The following ASIC2 variants were observed in gnomAD, a reference collection of about 807,000 sequenced individuals.
The protein encoded by ASIC2 is acid sensing ion channel subunit 2.
A neutral mutation model predicts 57.3 loss-of-function variants in ASIC2; 25 were observed. That is an observed-to-expected ratio of 0.44 (90% CI 0.32 to 0.61). ASIC2 has a LOEUF of 0.61. Ranked by LOEUF, ASIC2 falls within the 20% of genes least tolerant of loss-of-function variation. ASIC2 has a pLI of 0.06. For missense variants in ASIC2, 641 were observed against 738.1 expected (o/e 0.87, Z 1.52); for synonymous variants, 319 against 307.5 (o/e 1.04, Z -0.39).
chr17:33,611,346 G>A (rs1191211699), intron 1 of ASIC2, among the ~76,000 whole-genome samples: 1 of 152,128 alleles, frequency 6.6e-6, no homozygotes, highest in Non-Finnish European at 1.5e-5. Flanking sequence ...CCCCTCTCTG[G>A]AATCCAGATT....
chr17:33,084,835 G>A (rs889845007), intron 3 of ASIC2, among the ~76,000 whole-genome samples: 1 of 152,108 alleles, frequency 6.6e-6, no homozygotes, highest in Non-Finnish European at 1.5e-5. Flanking sequence ...ACTTCTTAAG[G>A]TTGTCTAGGA....
intron 1 of ASIC2, among the ~76,000 whole-genome samples, chr17:33,174,360 G>T (rs1206590381): frequency 2.7e-5 from 4 of 150,870 alleles, no homozygotes; most frequent in Admixed American, 2.6e-4. Flanking sequence ...GGTGGAGGTT[G>T]CAGTGAGCTG....
chr17:33,298,369 T>C (rs1185144529), intron 1 of ASIC2, among the ~76,000 whole-genome samples: 1 of 152,150 alleles, frequency 6.6e-6, no homozygotes, highest in East Asian at 1.9e-4. Context: ...GTGCTTGTGA[T>C]AGATTGCTGA....
chr17:33,886,474 T>A (rs892083908), intron 1 of ASIC2, among the ~76,000 whole-genome samples: 2 of 152,104 alleles, frequency 1.3e-5, no homozygotes, highest in Non-Finnish European at 2.9e-5. Context: ...ATCAGAAGTA[T>A]CTTACACAGT....
chr17:33,998,388 TTTATTA>T (rs1906230230), intron 1 of ASIC2, among the ~76,000 whole-genome samples: 1 of 152,182 alleles, frequency 6.6e-6, no homozygotes, highest in African/African-American at 2.4e-5. Context: ...TGCTCTGATT[TTTATTA>T]TTTTCTTCTT....
chr17:33,547,767 AC>A (rs775919149), intron 1 of ASIC2, among the ~76,000 whole-genome samples: 8 of 151,926 alleles, frequency 5.3e-5, no homozygotes, highest in Non-Finnish European at 8.8e-5. Context: ...GCATCTGAGA[AC>A]CCCCAGTCCC....
intron 1 of ASIC2, among the ~76,000 whole-genome samples, chr17:34,080,381 A>G (rs977943370): frequency 6.6e-6 from 1 of 152,234 alleles, no homozygotes; most frequent in Admixed American, 6.5e-5. Flanking sequence ...ACTAAATTCA[A>G]AACACTCAAA....
chr17:33,336,265 G>A (rs1050563482), intron 1 of ASIC2, among the ~76,000 whole-genome samples: 1 of 152,170 alleles, frequency 6.6e-6, no homozygotes, highest in African/African-American at 2.4e-5. Context: ...AGAGGGAAGA[G>A]GAAGGGGCAG....
chr17:33,221,872 A>ATTT (rs1907702334), intron 1 of ASIC2, among the ~76,000 whole-genome samples: 1 of 152,004 alleles, frequency 6.6e-6, no homozygotes, highest in Non-Finnish European at 1.5e-5. Flanking sequence ...ATAGATGTTT[A>ATTT]AACCATTCAT....
chr17:33,471,602 G>A (rs1913052463), intron 1 of ASIC2, among the ~76,000 whole-genome samples: 1 of 152,092 alleles, frequency 6.6e-6, no homozygotes, highest in Admixed American at 6.6e-5. Flanking sequence ...GCAGAGGGGG[G>A]AGTAATCATT....
chr17:34,065,244 G>C (rs951450886), intron 1 of ASIC2, among the ~76,000 whole-genome samples: 2 of 152,194 alleles, frequency 1.3e-5, no homozygotes, highest in African/African-American at 2.4e-5. Context: ...GATGAGATTG[G>C]AGACTATTAT....
chr17:33,667,950 G>T (rs1185776369), intron 1 of ASIC2, among the ~76,000 whole-genome samples: 1 of 152,144 alleles, frequency 6.6e-6, no homozygotes, highest in African/African-American at 2.4e-5. Flanking sequence ...GAAAGTCCAG[G>T]CCTGCTCAAA....
At chr17:33,154,775 T>C (rs957651729) in intron 1 of ASIC2, among the ~76,000 whole-genome samples, 2 of 152,214 alleles carry the variant, frequency 1.3e-5, no homozygotes, top group African/African-American at 4.8e-5. Context: ...CACTTTTTAT[T>C]CAATGCCTAC....
At chr17:33,449,177 AC>A (rs1272250540) in intron 1 of ASIC2, among the ~76,000 whole-genome samples, 1 of 152,146 alleles carries the variant, frequency 6.6e-6, no homozygotes, top group African/African-American at 2.4e-5. Context: ...GGAAACTATC[AC>A]TGTATCTATG....
chr17:33,239,586 CAAAT>C (rs1399842980), intron 1 of ASIC2, among the ~76,000 whole-genome samples: 1 of 152,152 alleles, frequency 6.6e-6, no homozygotes, highest in African/African-American at 2.4e-5. Flanking sequence ...AACTGTTTGT[CAAAT>C]GAATGAATAA....
At chr17:33,792,637 A>T (rs943333407) in intron 1 of ASIC2, 1 of 152,204 alleles carries the variant, frequency 6.6e-6, no homozygotes. Context: ...GTGCCTTGTA[A>T]TGCCTTCTAT....
At chr17:33,604,834 C>A (rs910140644) in intron 1 of ASIC2, among the ~76,000 whole-genome samples, 1 of 152,018 alleles carries the variant, frequency 6.6e-6, no homozygotes, top group Non-Finnish European at 1.5e-5. Context: ...GAAAAATCTC[C>A]CCCCTAAAAC....
intron 1 of ASIC2, among the ~76,000 whole-genome samples, chr17:33,538,554 G>T (rs376911474): frequency 1.3e-5 from 2 of 152,216 alleles, no homozygotes; most frequent in African/African-American, 2.4e-5. Flanking sequence ...GCAAAGCCGG[G>T]ATAGAAACCC....
chr17:33,723,697 T>C (rs960599455), intron 1 of ASIC2, among the ~76,000 whole-genome samples: 2 of 152,108 alleles, frequency 1.3e-5, no homozygotes, highest in African/African-American at 4.8e-5. Context: ...GTCAGAGTAA[T>C]GGTGACCTCA....
Sources: gnomAD v4.1 joint callset for allele counts (sites outside exome capture counted in the v4.1 genomes callset) on GRCh38, gnomAD v4.1.1 for gene constraint, MANE v1.5 for transcripts, NCBI Gene and HGNC (gene_info 2026-07-23, HGNC 2026-07-21) for gene names.